Variants in ROBO2 observed in about 807,000 individuals in gnomAD.
ROBO2 encodes the protein roundabout homolog 2.
Under a neutral mutation model 160.8 loss-of-function variants are expected in ROBO2, and 53 were observed. The ratio of observed to expected loss-of-function variants is 0.33; its 90% CI spans 0.26 to 0.41. The LOEUF (loss-of-function observed/expected upper bound fraction) is 0.41, where lower values mean the gene tolerates loss of function less well. Among genes scored for constraint, ROBO2 ranks in the 10% least tolerant of loss-of-function variants. ROBO2 has a pLI of 1.00. For missense variants in ROBO2, 1,577 were observed against 1,722.4 expected (o/e 0.92, Z 1.49); for synonymous variants, 664 against 611.7 (o/e 1.09, Z -1.26).
chr3:77,390,588 C>A (rs1053177818), intron 2 of ROBO2, among the ~76,000 whole-genome samples: 1 of 152,138 alleles, frequency 6.6e-6, no homozygotes, highest in East Asian at 1.9e-4. Flanking sequence ...CCATATGGAG[C>A]TATGAGTCCA....
chr3:76,083,501 G>GA (rs1169103512), intron 2 of ROBO2, among the ~76,000 whole-genome samples: 4 of 151,610 alleles, frequency 2.6e-5, no homozygotes, highest in East Asian at 1.9e-4. Flanking sequence ...GCATGGGAAG[G>GA]AAAAAAAATA....
chr3:75,994,076 A>T (rs557436893), intron 2 of ROBO2, among the ~76,000 whole-genome samples: 1 of 152,286 alleles, frequency 6.6e-6, no homozygotes, highest in East Asian at 1.9e-4. Flanking sequence ...GCACAAAACC[A>T]ATGCAGGAAC....
intron 2 of ROBO2, among the ~76,000 whole-genome samples, chr3:76,047,141 ATAAG>A (rs2067478880): frequency 6.6e-6 from 1 of 152,222 alleles, no homozygotes; most frequent in African/African-American, 2.4e-5. Context: ...TGTAACCTAA[ATAAG>A]TAAGAATTAA....
chr3:77,073,442 T>C lies in ROBO2; in HGVS notation c.62-24572T>C, dbSNP rs555808904. Among the ~76,000 whole-genome samples the C allele has an allele frequency of 6.2e-4, 94 of 152,320 alleles. 6 individuals are homozygous for C. In the South Asian group the frequency reaches 0.019, roughly 31 times the overall value. On this transcript the variant is annotated intron_variant, in intron 1 of 25. Coordinates refer to ENST00000461745, the Ensembl canonical transcript of ROBO2. ...AAATTCATTGAAGATTGCTTTTCTG[T>C]ACAAAAGAGGGGAAAAGATTGTGAG...
chr3:76,610,726 TG>T (rs1468616889), intron 2 of ROBO2, among the ~76,000 whole-genome samples: 1 of 150,646 alleles, frequency 6.6e-6, no homozygotes, highest in African/African-American at 2.5e-5. Context: ...CTTTCTCCTG[TG>T]GTCCAGCGAG....
Position 76,958,897 on chromosome 3 carries a change from C to T in ROBO2, c.110-139117C>T, listed in dbSNP as rs370937916. Reference sequence around the variant, plus strand: ...TTTTTGCTACCTTTTCAATTATTGACGTAATTGATACTCTCTCTTTCTTTA... The same window carrying T: ...TTTTTGCTACCTTTTCAATTATTGATGTAATTGATACTCTCTCTTTCTTTA... On this transcript the variant is annotated intron_variant, in intron 2 of 26. Coordinates refer to the ROBO2 transcript ENST00000487694. Among the ~76,000 whole-genome samples the T allele has an allele frequency of 9.9e-4, 151 of 152,270 alleles. 5 individuals carry two copies. The South Asian group carries it at 0.029, about 30-fold the overall frequency.
At chr3:77,000,382 C>T (rs995012849) in intron 2 of ROBO2, among the ~76,000 whole-genome samples, 2 of 152,144 alleles carry the variant, frequency 1.3e-5, no homozygotes, top group African/African-American at 2.4e-5. Flanking sequence ...TTCCCCTTTG[C>T]CAGCCTCTCA....
intron 24 of ROBO2, among the ~76,000 whole-genome samples, chr3:77,636,082 C>T (rs190178504): frequency 5.9e-5 from 9 of 152,178 alleles, no homozygotes; most frequent in South Asian, 2.1e-4. Context: ...CCCTCATCAT[C>T]GAATCACCTG....
At chr3:76,103,459 C>G (rs1025579031) in intron 2 of ROBO2, among the ~76,000 whole-genome samples, 16 of 152,326 alleles carry the variant, frequency 1.1e-4, no homozygotes, top group African/African-American at 3.6e-4. Context: ...AACGCACCCT[C>G]TGCTCACAAT....
chr3:77,376,359 T>C (rs1347029532), intron 2 of ROBO2, among the ~76,000 whole-genome samples: 1 of 151,928 alleles, frequency 6.6e-6, no homozygotes, highest in African/African-American at 2.4e-5. Context: ...GGTTTCACCA[T>C]GTTAGACAAT....
chr3:76,496,100 A>G (rs575783473), intron 2 of ROBO2, among the ~76,000 whole-genome samples: 164 of 152,316 alleles, frequency 1.1e-3, no homozygotes, highest in African/African-American at 3.8e-3. Flanking sequence ...TTCTTTATCT[A>G]TAAAATGGAA....
At position 76,572,174 on chromosome 3, in the gene ROBO2, C is replaced by T. The variant is rs2084995653; in HGVS notation, c.110-525840C>T. ...ATTGAATCCTTTTAGCAGGGCAGTA[C>T]TATCACTAACCCCATTTTAGAGAGA... On this transcript the variant is annotated intron_variant, in intron 2 of 26. Transcript: ENST00000487694. Among the ~76,000 whole-genome samples the T allele has an allele frequency of 3.3e-5, 5 of 152,218 alleles. No individual in the cohort carries two copies. The South Asian group carries it at 1.0e-3, about 32-fold the overall frequency.
intron 1 of ROBO2, among the ~76,000 whole-genome samples, chr3:75,916,815 TC>T (rs891744688): frequency 6.3e-4 from 5 of 7,910 alleles, no homozygotes; most frequent in African/African-American, 2.1e-3. Flanking sequence ...TCTCTTTAGT[TC>T]TTAGCTGATG....
At chr3:76,583,957 T>C (rs964107987) in intron 2 of ROBO2, among the ~76,000 whole-genome samples, 5 of 152,190 alleles carry the variant, frequency 3.3e-5, no homozygotes, top group Non-Finnish European at 7.4e-5. Flanking sequence ...TTTTCTGTTT[T>C]TCTTCTTCAT....
At chr3:76,075,682 A>G (rs1439359127) in intron 2 of ROBO2, among the ~76,000 whole-genome samples, 1 of 152,226 alleles carries the variant, frequency 6.6e-6, no homozygotes. Flanking sequence ...ATGAGCATCT[A>G]AAATCTGATG....
At chr3:77,372,894 A>G (rs918171235) in intron 2 of ROBO2, among the ~76,000 whole-genome samples, 6 of 151,930 alleles carry the variant, frequency 3.9e-5, no homozygotes, top group Non-Finnish European at 7.4e-5. Context: ...TTATTTATTC[A>G]TGGTATTTTT....
In ROBO2 at chr3:77,575,919, C is replaced by T. The variant is rs554520031; in HGVS notation, c.2203+1189C>T. On this transcript the variant is annotated intron_variant, in intron 14 of 25. Coordinates refer to ENST00000461745, the Ensembl canonical transcript of ROBO2. ...GTCCCTGTTGGGTATACATTCATCTCCAATTTCTGTGGCTATGTGATGGTA... is the reference window on the plus strand; with the variant it reads ...GTCCCTGTTGGGTATACATTCATCTTCAATTTCTGTGGCTATGTGATGGTA... 5.9e-5 allele frequency among the ~76,000 whole-genome samples: 9 copies of T among 152,096 alleles called. No individual in the cohort carries two copies. The South Asian group carries it at 1.9e-3, about 32-fold the overall frequency.
chr3:76,128,554 T>TA (rs1470745022), intron 2 of ROBO2, among the ~76,000 whole-genome samples: 2 of 150,114 alleles, frequency 1.3e-5, no homozygotes, highest in African/African-American at 4.8e-5. Flanking sequence ...TCGCTGTATC[T>TA]AAAAAAAGTT....
intron 1 of ROBO2, among the ~76,000 whole-genome samples, chr3:77,056,549 C>T (rs1258790659): frequency 1.3e-5 from 2 of 151,194 alleles, no homozygotes; most frequent in African/African-American, 4.9e-5. Context: ...ATTGTGTGGG[C>T]AATTCAAAAA....
Sources: gnomAD v4.1 joint callset for allele counts (sites outside exome capture counted in the v4.1 genomes callset) on GRCh38, gnomAD v4.1.1 for gene constraint, MANE v1.5 for transcripts, NCBI Gene and HGNC (gene_info 2026-07-23, HGNC 2026-07-21) for gene names.